The following TCAIM variants were observed in gnomAD, a reference collection of about 807,000 sequenced individuals.
TCAIM encodes T cell activation inhibitor, mitochondrial.
TCAIM carries 36 observed loss-of-function variants against 58.6 expected under a neutral mutation model. That is an observed-to-expected ratio of 0.61 (90% CI 0.47 to 0.81). TCAIM has a LOEUF of 0.81. TCAIM is among the 30% of genes least tolerant of loss of function. The pLI is 0.00. For synonymous variants in TCAIM, 172 were observed against 193.6 expected (o/e 0.89, Z 0.93); for missense variants, 466 against 579.6 (o/e 0.80, Z 2.01).
chr3:44,366,322 C>G (rs1169889686), intron 4 of TCAIM, among the ~76,000 whole-genome samples: 1 of 151,564 alleles, frequency 6.6e-6, no homozygotes, highest in African/African-American at 2.4e-5. Flanking sequence ...GAGTCTTGCT[C>G]TGTCACCCAG....
rs1053296244 is a variant in TCAIM at position 44,354,785 on chromosome 3, GT to G, written c.7del (p.Cys3AlafsTer3). On this transcript the variant is annotated frameshift_variant, in exon 2 of 11. Coordinates refer to ENST00000342649, the MANE Select transcript of TCAIM (RefSeq NM_173826.4). LOFTEE classifies it high-confidence loss of function. MFCHLRPMRRLC... is the reference protein window; with the variant it reads MXCHLRPMRRLC... ...TTGACGTACATATATATTCAGAAAT[GT>G]TTTGCCACCTGAGACCTATGAGGAG... 72 of 1,611,204 alleles carry G rather than the reference GT, an allele frequency of 4.5e-5. No individual in the cohort carries two copies. Among genetic ancestry groups the G allele is most frequent in the Non-Finnish European group, 5.8e-5 (68 of 1,179,458 alleles).
At chr3:44,402,621 G>A (rs945303277) in intron 10 of TCAIM, among the ~76,000 whole-genome samples, 2 of 152,106 alleles carry the variant, frequency 1.3e-5, no homozygotes, top group South Asian at 2.1e-4. Context: ...TGAGATCAAT[G>A]CCATTGATAG....
At chr3:44,369,374 G>A (rs55884306) in intron 5 of TCAIM, among the ~76,000 whole-genome samples, 18,526 of 152,208 alleles carry the variant, frequency 0.12, 1,230 homozygotes, top group East Asian at 0.17. Context: ...AAAAGTAACA[G>A]TTTTTGGACT....
chr3:44,356,062 G>T (rs1701184232), intron 2 of TCAIM, among the ~76,000 whole-genome samples: 1 of 152,158 alleles, frequency 6.6e-6, no homozygotes, highest in Non-Finnish European at 1.5e-5. Context: ...ATATATAGGA[G>T]AAACAAAAGA....
At chr3:44,401,976 T>C (rs1394027724) in intron 10 of TCAIM, among the ~76,000 whole-genome samples, 1 of 152,108 alleles carries the variant, frequency 6.6e-6, no homozygotes, top group East Asian at 1.9e-4. Context: ...GAGGTTGCAG[T>C]GAGCCGAGAT....
intron 6 of TCAIM, among the ~76,000 whole-genome samples, chr3:44,393,834 T>C (rs1421160135): frequency 3.3e-5 from 5 of 152,316 alleles, no homozygotes; most frequent in Admixed American, 3.3e-4. Context: ...AAAATGGATG[T>C]TGTATTCTTG....
chr3:44,397,667 ATGGT>A (rs2125654948), intron 8 of TCAIM, among the ~76,000 whole-genome samples: 1 of 152,318 alleles, frequency 6.6e-6, no homozygotes, highest in Non-Finnish European at 1.5e-5. Flanking sequence ...GCTGGATCAT[ATGGT>A]AGAGCATTTT....
intron 5 of TCAIM, among the ~76,000 whole-genome samples, chr3:44,379,297 G>A (rs138864663): frequency 3.9e-5 from 6 of 152,248 alleles, no homozygotes; most frequent in African/African-American, 7.2e-5. Context: ...TTAAACCATC[G>A]TGGAAAGTAG....
chr3:44,363,856 G>A (rs1278285148), intron 4 of TCAIM, among the ~76,000 whole-genome samples: 1 of 151,058 alleles, frequency 6.6e-6, no homozygotes, highest in East Asian at 2.0e-4. Flanking sequence ...ACTGAGGTGG[G>A]AGAATCACTT....
At chr3:44,358,098 C>CTA in intron 3 of TCAIM, 1 of 1,420,738 alleles carries the variant, frequency 7.0e-7, no homozygotes, top group Non-Finnish European at 9.2e-7. Flanking sequence ...CATTTAAACT[C>CTA]TTTAGAGTAC....
chr3:44,404,839 T>C (rs1265679684), intron 10 of TCAIM, among the ~76,000 whole-genome samples: 1 of 145,318 alleles, frequency 6.9e-6, no homozygotes, highest in Non-Finnish European at 1.5e-5. Flanking sequence ...GCAATTACTT[T>C]TGCACCAACC....
chr3:44,342,180 T>G (rs943403603), intron 1 of TCAIM, among the ~76,000 whole-genome samples: 24 of 152,236 alleles, frequency 1.6e-4, no homozygotes, highest in African/African-American at 5.5e-4. Context: ...ATTGTACTCC[T>G]GTCTAGCAGA....
chr3:44,382,314 T>C (rs1471068239), intron 5 of TCAIM, among the ~76,000 whole-genome samples: 1 of 152,042 alleles, frequency 6.6e-6, no homozygotes, highest in East Asian at 1.9e-4. Context: ...TCCCAGCACT[T>C]TGGGAGGCTG....
At chr3:44,353,033 C>T (rs1441213631) in intron 1 of TCAIM, among the ~76,000 whole-genome samples, 1 of 151,402 alleles carries the variant, frequency 6.6e-6, no homozygotes, top group Non-Finnish European at 1.5e-5. Flanking sequence ...AGCAATTCTC[C>T]TGCCTCAGCC....
intron 3 of TCAIM, chr3:44,358,528 A>G (rs1701241817): frequency 7.0e-6 from 3 of 430,008 alleles, no homozygotes; most frequent in South Asian, 4.1e-5. Context: ...TGAACAACAC[A>G]GGATAACAAC....
At chr3:44,342,834 C>A (rs1700882319) in intron 1 of TCAIM, among the ~76,000 whole-genome samples, 1 of 151,554 alleles carries the variant, frequency 6.6e-6, no homozygotes, top group Non-Finnish European at 1.5e-5. Context: ...TAAGCTGATT[C>A]ACATTAAATA....
chr3:44,380,648 G>A (rs1338045001), intron 5 of TCAIM, among the ~76,000 whole-genome samples: 2 of 151,924 alleles, frequency 1.3e-5, no homozygotes, highest in Non-Finnish European at 2.9e-5. Flanking sequence ...AAAGATTAGA[G>A]CAGATAACCA....
At chr3:44,352,280 A>G (rs1274542343) in intron 1 of TCAIM, among the ~76,000 whole-genome samples, 1 of 152,072 alleles carries the variant, frequency 6.6e-6, no homozygotes, top group Non-Finnish European at 1.5e-5. Context: ...TCTGATGGTT[A>G]TTATGCAAAT....
chr3:44,364,745 CAA>C (rs199676357), intron 4 of TCAIM, among the ~76,000 whole-genome samples: 43 of 91,420 alleles, frequency 4.7e-4, no homozygotes, highest in Middle Eastern at 7.4e-3. Flanking sequence ...GACCCTGTCT[CAA>C]AAAAAAAAAA....
Sources: gnomAD v4.1 joint callset for allele counts (sites outside exome capture counted in the v4.1 genomes callset) on GRCh38, gnomAD v4.1.1 for gene constraint, MANE v1.5 for transcripts, NCBI Gene and HGNC (gene_info 2026-07-23, HGNC 2026-07-21) for gene names.